Variants in AFAP1 observed in about 807,000 individuals in gnomAD.
AFAP1 encodes actin filament associated protein 1.
Under a neutral mutation model 93.9 loss-of-function variants are expected in AFAP1, and 75 were observed. That is an observed-to-expected ratio of 0.80 (90% CI 0.66 to 0.97). AFAP1 has a LOEUF of 0.97. Ranked by LOEUF, AFAP1 falls within the 50% of genes least tolerant of loss-of-function variation. The pLI, the probability that AFAP1 is intolerant of heterozygous loss-of-function variation, is 0.00. For synonymous variants in AFAP1, 517 were observed against 430.7 expected (o/e 1.20, Z -2.48); for missense variants, 1,201 against 1,050.8 (o/e 1.14, Z -1.98).
chr4:7,816,143 G>A, intron 7 of AFAP1, 44 bp from the exon 8 acceptor site: 1 of 1,537,798 alleles, frequency 6.5e-7, no homozygotes, highest in South Asian at 1.2e-5. Flanking sequence ...GTGGTCACTT[G>A]GACCCAGTGA....
intron 12 of AFAP1, among the ~76,000 whole-genome samples, chr4:7,782,504 T>C (rs1457752990): frequency 2.6e-5 from 4 of 152,262 alleles, no homozygotes; most frequent in African/African-American, 4.8e-5. Context: ...GGTTTTATTT[T>C]AGCAGAAAAT....
chr4:7,852,835 T>A (rs1307014976), intron 4 of AFAP1, among the ~76,000 whole-genome samples: 1 of 152,092 alleles, frequency 6.6e-6, no homozygotes, highest in East Asian at 1.9e-4. Context: ...GCCCCCACCA[T>A]CTCACATAAG....
intron 12 of AFAP1, 63 bp downstream of exon 12, chr4:7,786,131 C>G (rs966603940): frequency 1.3e-6 from 2 of 1,489,490 alleles, no homozygotes; most frequent in African/African-American, 1.4e-5. Context: ...AACTGAAGCA[C>G]AGAATTTTCA....
chr4:7,906,345 G>C (rs527594580), intron 1 of AFAP1, among the ~76,000 whole-genome samples: 1 of 152,126 alleles, frequency 6.6e-6, no homozygotes, highest in African/African-American at 2.4e-5. Context: ...TCAGATAATG[G>C]ATTTTAAAAT....
In AFAP1 at chr4:7,761,988, G is replaced by C. The variant is rs1266703053; in HGVS notation, c.*1777C>G. The C allele has an allele frequency of 6.6e-6, 1 of 152,276 alleles. No individual in the cohort carries two copies. Among genetic ancestry groups the C allele is most frequent in the Admixed American group, 6.5e-5 (1 of 15,286 alleles). 9.4% of individuals were successfully genotyped at this position (152,276 alleles called of 1,614,324 possible). A position where few individuals can be genotyped will look rare whatever the true frequency, so the allele number is the denominator to read the frequency against. On this transcript the variant is annotated 3_prime_UTR_variant, in exon 18 of 18. Coordinates refer to ENST00000420658, the MANE Select transcript of AFAP1 (RefSeq NM_001134647.2). ...AGGCCGGGAGGAACGTGCATCAGAG[G>C]GGAAAGAAAGGCTGGCTGATGGCTC...
In AFAP1 at chr4:7,793,660, TCA is replaced by T; in HGVS notation, c.1412+19_1412+20del. On this transcript the variant is annotated intron_variant, in intron 11 of 17. Coordinates refer to ENST00000420658, the MANE Select transcript of AFAP1 (RefSeq NM_001134647.2). ...ACAGTTACTGAACTGTGGTGCCATT[TCA>T]CATGGCAGTGGGTCTTACCAGAAGG... The T allele has an allele frequency of 6.7e-7, 1 of 1,495,936 alleles. No individual in the cohort carries two copies. The highest frequency in any genetic ancestry group is 9.1e-7 in the Non-Finnish European group (1 of 1,103,950). The allele number at this position is 1,495,936 out of a possible 1,614,324, so 92.7% of individuals were successfully genotyped here. A position where few individuals can be genotyped will look rare whatever the true frequency, so the allele number is the denominator to read the frequency against.
chr4:7,851,375 C>T (rs1210966223), intron 4 of AFAP1, among the ~76,000 whole-genome samples: 3 of 152,212 alleles, frequency 2.0e-5, no homozygotes, highest in Non-Finnish European at 1.5e-5. Context: ...GTCCTGTGCG[C>T]TGCCTCTTCC....
intron 3 of AFAP1, among the ~76,000 whole-genome samples, chr4:7,863,070 G>A (rs905717191): frequency 5.3e-5 from 8 of 152,186 alleles, no homozygotes; most frequent in East Asian, 3.9e-4. Flanking sequence ...TGCTGCAAAC[G>A]AAATGCAATC....
At chr4:7,914,867 C>A (rs1035747800) in intron 1 of AFAP1, among the ~76,000 whole-genome samples, 1 of 152,224 alleles carries the variant, frequency 6.6e-6, no homozygotes, top group East Asian at 1.9e-4. Flanking sequence ...CATACCTCAG[C>A]CTCCCAAGTA....
intron 1 of AFAP1, among the ~76,000 whole-genome samples, chr4:7,900,374 AGCACAG>A (rs1719050430): frequency 1.4e-4 from 1 of 6,934 alleles, no homozygotes; most frequent in Non-Finnish European, 6.0e-4. Context: ...CTGCGCATTT[AGCACAG>A]CTAAAATGGC....
At position 7,919,044 on chromosome 4, in the gene AFAP1, G is replaced by A. The variant is rs1044272187; in HGVS notation, c.-3+20612C>T. On this transcript the variant is annotated intron_variant, in intron 1 of 17. Coordinates refer to ENST00000420658, the MANE Select transcript of AFAP1 (RefSeq NM_001134647.2). ...TCGGCCCAGGTCACCAGGAAACAGGGCTGCCGGAAGAGACACTCGGCCCAG... is the reference window on the plus strand; with the variant it reads ...TCGGCCCAGGTCACCAGGAAACAGGACTGCCGGAAGAGACACTCGGCCCAG... Among the ~76,000 whole-genome samples the A allele has an allele frequency of 1.2e-4, 18 of 151,692 alleles. No individual in the cohort carries two copies. In the South Asian group the frequency reaches 3.7e-3, roughly 32 times the overall value.
intron 4 of AFAP1, among the ~76,000 whole-genome samples, chr4:7,845,136 A>G (rs551343232): frequency 6.6e-6 from 1 of 152,360 alleles, no homozygotes; most frequent in South Asian, 2.1e-4. Context: ...AAAGTTGTCC[A>G]GGAGGCCAGG....
rs186326326 is a variant in AFAP1, at chr4:7,795,495, G to A, written c.1267-1669C>T. ...GACTGGAGTGCAGTGGTGTGATCTC[G>A]GCTCACTGCAAGCTCTGCCTCCCGG... On this transcript the variant is annotated intron_variant, in intron 10 of 17. Coordinates refer to ENST00000420658, the MANE Select transcript of AFAP1 (RefSeq NM_001134647.2). Among the ~76,000 whole-genome samples the A allele has an allele frequency of 5.9e-4, 72 of 121,996 alleles. No homozygotes were observed. In the East Asian group the frequency reaches 0.018, roughly 31 times the overall value. 80.0% of individuals were successfully genotyped at this position (121,996 alleles called of 152,430 possible). A position where few individuals can be genotyped will look rare whatever the true frequency, so the allele number is the denominator to read the frequency against.
In AFAP1 at chr4:7,855,263, A is replaced by G. The variant is rs550150258; in HGVS notation, c.334+203T>C. ...CCTCTGAGTCACAAGGAAGACAGCA[A>G]TCGGAAGAGAGGCTTGTGTGTGAGG... On this transcript the variant is annotated intron_variant, in intron 4 of 17. Coordinates refer to ENST00000420658, the MANE Select transcript of AFAP1 (RefSeq NM_001134647.2). Among the ~76,000 whole-genome samples, 50 of 152,346 alleles carry G rather than the reference A, an allele frequency of 3.3e-4. No homozygotes were observed. The Middle Eastern group carries it at 0.017, about 52-fold the overall frequency.
chr4:7,889,554 A>AG (rs1268000949), intron 1 of AFAP1, among the ~76,000 whole-genome samples: 1 of 147,760 alleles, frequency 6.8e-6, no homozygotes, highest in Admixed American at 6.7e-5. Flanking sequence ...AAAAAAAAAA[A>AG]AAAAGAAAAA....
rs75790894 is a variant in AFAP1, at chr4:7,783,694, T to C, written c.1531-2067A>G. ...GAATAGCCTAAAGAACACTTGCTCC[T>C]GGGGGTGGCCTGTAGAGTGTCATAA... On this transcript the variant is annotated intron_variant, in intron 12 of 17. Transcript: ENST00000420658. 9.9e-3 allele frequency among the ~76,000 whole-genome samples: 1,511 copies of C among 152,308 alleles called. 24 individuals are homozygous for C. Among genetic ancestry groups the C allele is most frequent in the African/African-American group, 0.034 (1,418 of 41,554 alleles).
chr4:7,844,211 A>G (rs1207796351), intron 4 of AFAP1, among the ~76,000 whole-genome samples: 2 of 152,068 alleles, frequency 1.3e-5, no homozygotes, highest in Non-Finnish European at 2.9e-5. Context: ...TAGGACTTTT[A>G]GGAGGTTACT....
At chr4:7,797,442 T>A (rs533822267) in intron 10 of AFAP1, among the ~76,000 whole-genome samples, 2 of 152,184 alleles carry the variant, frequency 1.3e-5, no homozygotes, top group Admixed American at 6.5e-5. Context: ...GGCCTCCTGA[T>A]GTAACGCAGC....
At chr4:7,787,422 A>G (rs1209685449) in intron 11 of AFAP1, among the ~76,000 whole-genome samples, 1 of 152,012 alleles carries the variant, frequency 6.6e-6, no homozygotes, top group Non-Finnish European at 1.5e-5. Flanking sequence ...GGTCGTGGGA[A>G]CCTCCAACTC....
Sources: allele counts gnomAD v4.1 joint callset (sites outside exome capture counted in the v4.1 genomes callset), GRCh38; gene constraint gnomAD v4.1.1; transcripts MANE v1.5; gene names NCBI Gene and HGNC (gene_info 2026-07-23, HGNC 2026-07-21).